Variants in WWP1 observed in about 807,000 individuals in gnomAD.
WWP1 encodes the protein WW domain containing E3 ubiquitin protein ligase 1.
Under a neutral mutation model 130.6 loss-of-function variants are expected in WWP1, and 49 were observed. That is an observed-to-expected ratio of 0.38 (90% CI 0.30 to 0.48). WWP1 has a LOEUF of 0.48. WWP1 is among the 20% of genes least tolerant of loss of function. The pLI is 0.99. For missense variants in WWP1, 809 were observed against 1,100.6 expected (o/e 0.74, Z 3.75); for synonymous variants, 332 against 367.8 (o/e 0.90, Z 1.11).
chr8:86,432,224 G>A (rs892663877), intron 14 of WWP1, among the ~76,000 whole-genome samples: 7 of 152,124 alleles, frequency 4.6e-5, no homozygotes, highest in East Asian at 3.9e-4. Context: ...TTAATTAAGC[G>A]GTTGACAGAT....
At chr8:86,393,828 G>A (rs1807489980) in intron 5 of WWP1, among the ~76,000 whole-genome samples, 1 of 152,318 alleles carries the variant, frequency 6.6e-6, no homozygotes, top group South Asian at 2.1e-4. Flanking sequence ...CTCCCACACT[G>A]CGTCAGAGAT....
chr8:86,377,050 G>C (rs1272666906), intron 3 of WWP1, among the ~76,000 whole-genome samples: 5 of 152,040 alleles, frequency 3.3e-5, no homozygotes, highest in Admixed American at 3.3e-4. Flanking sequence ...ACTCCAAGTT[G>C]TTGCTCCTTT....
At chr8:86,421,913 A>T (rs1809238878) in intron 9 of WWP1, among the ~76,000 whole-genome samples, 2 of 152,270 alleles carry the variant, frequency 1.3e-5, no homozygotes, top group East Asian at 1.9e-4. Flanking sequence ...AATTTTGCAG[A>T]TGGGGAAGGG....
chr8:86,390,563 G>A (rs555490352), intron 5 of WWP1, among the ~76,000 whole-genome samples: 5 of 152,272 alleles, frequency 3.3e-5, no homozygotes, highest in South Asian at 4.1e-4. Context: ...GCGTGGCAGC[G>A]GGCGCCTGCA....
Position 86,380,879 on chromosome 8 carries a change from T to C in WWP1, c.209+15T>C. 1.9e-6 allele frequency: 3 copies of C among 1,570,060 alleles called. No individual in the cohort carries two copies. Among genetic ancestry groups the C allele is most frequent in the Non-Finnish European group, 2.6e-6 (3 of 1,162,688 alleles). On this transcript the variant is annotated intron_variant, in intron 4 of 24. Coordinates refer to ENST00000517970, the MANE Select transcript of WWP1 (RefSeq NM_007013.4). ...CAGCTAACTGTGTAAGTACCTTGTG[T>C]AAAGGACGGAAAATCTTCACAAGAA... is the stretch of plus-strand genomic sequence containing the variant.
chr8:86,372,360 G>C (rs906611579), intron 2 of WWP1, among the ~76,000 whole-genome samples: 1 of 152,132 alleles, frequency 6.6e-6, no homozygotes, highest in Non-Finnish European at 1.5e-5. Flanking sequence ...GGTTTTCGCC[G>C]TGTTGGCCAG....
In WWP1 at chr8:86,343,501, A is replaced by G. The variant is rs1260674410; in HGVS notation, c.-115+571A>G. ...TTCCAGTGACCTTGCAGATTTTACC[A>G]GTCCTTATCTTGTCTGTGACTTACA... is the stretch of plus-strand genomic sequence containing the variant. On this transcript the variant is annotated intron_variant, in intron 1 of 24. Coordinates refer to ENST00000517970, the MANE Select transcript of WWP1 (RefSeq NM_007013.4). Among the ~76,000 whole-genome samples the G allele has an allele frequency of 3.9e-5, 5 of 127,640 alleles. No homozygotes were observed. In the East Asian group the frequency reaches 1.2e-3, roughly 30 times the overall value. 83.7% of individuals were successfully genotyped at this position (127,640 alleles called of 152,430 possible). A position where few individuals can be genotyped will look rare whatever the true frequency, so the allele number is the denominator to read the frequency against.
chr8:86,461,612 C>G (rs370964867), intron 23 of WWP1, 162 bp from the exon 24 acceptor site: 16 of 656,398 alleles, frequency 2.4e-5, no homozygotes, highest in East Asian at 1.3e-4. Flanking sequence ...ATTGCTGGAT[C>G]TCTGCAACAA....
In WWP1 at chr8:86,380,982, G is replaced by A. The variant is rs1033897487; in HGVS notation, c.209+118G>A. ...GAGTGATTTTTTTAAAGTGTGGATCGACAATTTAAAGTATGGAGAAATTTT... is the reference window on the plus strand; with the variant it reads ...GAGTGATTTTTTTAAAGTGTGGATCAACAATTTAAAGTATGGAGAAATTTT... On this transcript the variant is annotated intron_variant, in intron 4 of 24. Transcript: ENST00000517970. 17 of 1,241,884 alleles carry A rather than the reference G, an allele frequency of 1.4e-5. No homozygotes were observed. The African/African-American group carries it at 1.4e-4, about 10-fold the overall frequency. The allele number at this position is 1,241,884 out of a possible 1,614,324, so 76.9% of individuals were successfully genotyped here.
chr8:86,432,999 C>G (rs1418887851), intron 14 of WWP1, among the ~76,000 whole-genome samples: 3 of 152,172 alleles, frequency 2.0e-5, no homozygotes, highest in Non-Finnish European at 4.4e-5. Flanking sequence ...TAAACCAACT[C>G]CAAGGAAGTT....
At position 86,412,550 on chromosome 8, in the gene WWP1, A is replaced by G. The variant is rs568662395; in HGVS notation, c.1061+676A>G. Among the ~76,000 whole-genome samples, 12 of 152,340 alleles carry G rather than the reference A, an allele frequency of 7.9e-5. 1 individual carries two copies. The South Asian group carries it at 2.5e-3, about 32-fold the overall frequency. On this transcript the variant is annotated intron_variant, in intron 9 of 24. Transcript: ENST00000517970. ...TAAACGTGTACAGTATATACAGTAC[A>G]GTCAGAAAGTATATATGGACACGTG...
chr8:86,406,079 G>A (rs1405088793), intron 8 of WWP1, among the ~76,000 whole-genome samples: 1 of 152,152 alleles, frequency 6.6e-6, no homozygotes, highest in East Asian at 1.9e-4. Flanking sequence ...GGTTAAAATG[G>A]GAGGCAGTCA....
At chr8:86,453,755 A>T (rs1811298182) in intron 21 of WWP1, among the ~76,000 whole-genome samples, 2 of 151,854 alleles carry the variant, frequency 1.3e-5, no homozygotes, top group Non-Finnish European at 2.9e-5. Context: ...ATCCACCCTA[A>T]TGGGTGTGAG....
intron 11 of WWP1, among the ~76,000 whole-genome samples, chr8:86,429,512 A>G (rs1311525196): frequency 6.6e-6 from 1 of 152,228 alleles, no homozygotes; most frequent in Non-Finnish European, 1.5e-5. Context: ...AATTCTTGAT[A>G]GAATACTTAT....
chr8:86,435,733 C>A (rs1810252383), intron 16 of WWP1, 29 bp downstream of exon 16: 1 of 1,600,522 alleles, frequency 6.2e-7, no homozygotes, highest in African/African-American at 1.3e-5. Flanking sequence ...GAATAAAACA[C>A]CATTTGTCTC....
intron 3 of WWP1, among the ~76,000 whole-genome samples, chr8:86,376,113 A>G (rs1824633308): frequency 6.6e-6 from 1 of 152,250 alleles, no homozygotes; most frequent in Non-Finnish European, 1.5e-5. Flanking sequence ...CTGAAGAACC[A>G]CTTACATAAT....
At chr8:86,375,754 G>A (rs115367015) in intron 3 of WWP1, among the ~76,000 whole-genome samples, 21 of 152,240 alleles carry the variant, frequency 1.4e-4, no homozygotes, top group African/African-American at 5.1e-4. Context: ...CGTTTCTTAT[G>A]TCTGCTCATG....
intron 8 of WWP1, among the ~76,000 whole-genome samples, chr8:86,402,714 G>C (rs1285675638): frequency 6.6e-6 from 1 of 152,162 alleles, no homozygotes; most frequent in Non-Finnish European, 1.5e-5. Context: ...AAATATTTTA[G>C]AGGTCAGAAC....
intron 17 of WWP1, among the ~76,000 whole-genome samples, chr8:86,440,090 G>A (rs1157258109): frequency 1.3e-5 from 2 of 152,082 alleles, no homozygotes; most frequent in Non-Finnish European, 2.9e-5. Flanking sequence ...CATCTATTAC[G>A]AGTTTATCTC....
Sources: gnomAD v4.1 joint callset for allele counts (sites outside exome capture counted in the v4.1 genomes callset) on GRCh38, gnomAD v4.1.1 for gene constraint, MANE v1.5 for transcripts, NCBI Gene and HGNC (gene_info 2026-07-23, HGNC 2026-07-21) for gene names.